The following CCDC170 variants were observed in gnomAD, a reference collection of about 807,000 sequenced individuals.
CCDC170 encodes the protein coiled-coil domain-containing protein 170.
CCDC170 carries 69 observed loss-of-function variants against 72.6 expected under a neutral mutation model. That is an observed-to-expected ratio of 0.95 (90% CI 0.78 to 1.16). CCDC170 has a LOEUF of 1.16. Ranked by LOEUF, CCDC170 falls within the 50% of genes most tolerant of loss-of-function variation. The pLI, the probability that CCDC170 is intolerant of heterozygous loss-of-function variation, is 0.00. For synonymous variants in CCDC170, 300 were observed against 303.9 expected, an observed-to-expected ratio of 0.99 and a Z score of 0.13; for missense variants, 852 against 832.5, an observed-to-expected ratio of 1.02 and a Z score of -0.29.
chr6:151,509,437 A>C (rs1470126553), intron 1 of CCDC170, among the ~76,000 whole-genome samples: 8 of 152,200 alleles, frequency 5.3e-5, no homozygotes. Flanking sequence ...AATGCTAAAA[A>C]ACTGCTAGTT....
chr6:151,599,067 G>A (rs928817363), intron 9 of CCDC170, among the ~76,000 whole-genome samples: 2 of 152,180 alleles, frequency 1.3e-5, no homozygotes, highest in Admixed American at 6.5e-5. Flanking sequence ...TGGTAAGACA[G>A]CTAATAGTTG....
At chr6:151,580,300 C>T (rs913317786) in intron 6 of CCDC170, among the ~76,000 whole-genome samples, 1 of 152,130 alleles carries the variant, frequency 6.6e-6, no homozygotes, top group Non-Finnish European at 1.5e-5. Context: ...GGTAGAAATA[C>T]TCACTTCCTG....
chr6:151,606,563 C>G (rs892066820), intron 9 of CCDC170, among the ~76,000 whole-genome samples: 1 of 152,096 alleles, frequency 6.6e-6, no homozygotes, highest in Non-Finnish European at 1.5e-5. Flanking sequence ...GGAGAATATT[C>G]CATGTGCTGA....
chr6:151,594,935 G>T (rs970567016), intron 8 of CCDC170, among the ~76,000 whole-genome samples: 2 of 152,196 alleles, frequency 1.3e-5, no homozygotes, highest in Admixed American at 6.5e-5. Flanking sequence ...ACAGGCATGA[G>T]CCACCATGCC....
chr6:151,604,709 C>A (rs1776758856), intron 9 of CCDC170, among the ~76,000 whole-genome samples: 2 of 152,160 alleles, frequency 1.3e-5, no homozygotes. Flanking sequence ...TCTGAACATT[C>A]ATCTTTGATT....
intron 1 of CCDC170, among the ~76,000 whole-genome samples, chr6:151,509,849 G>T (rs1396424312): frequency 6.6e-6 from 1 of 152,194 alleles, no homozygotes; most frequent in East Asian, 1.9e-4. Flanking sequence ...AAGAGGCCAG[G>T]CGTGGTGGCT....
At chr6:151,536,984 A>C (rs924423629) in intron 2 of CCDC170, among the ~76,000 whole-genome samples, 13 of 152,202 alleles carry the variant, frequency 8.5e-5, no homozygotes, top group South Asian at 2.1e-4. Flanking sequence ...CAGAGGAGCT[A>C]TACAGCCTTG....
chr6:151,533,343 C>T (rs534577964), intron 1 of CCDC170, among the ~76,000 whole-genome samples: 172 of 151,880 alleles, frequency 1.1e-3, no homozygotes, highest in African/African-American at 3.8e-3. Context: ...TGTGAGCCGC[C>T]GCACCTGGCC....
At chr6:151,614,356 T>A (rs2115146499) in intron 9 of CCDC170, among the ~76,000 whole-genome samples, 1 of 152,290 alleles carries the variant, frequency 6.6e-6, no homozygotes, top group Non-Finnish European at 1.5e-5. Flanking sequence ...TTCATATAAG[T>A]GGAATTATAA....
At chr6:151,513,251 T>A (rs1355644900) in intron 1 of CCDC170, among the ~76,000 whole-genome samples, 1 of 152,210 alleles carries the variant, frequency 6.6e-6, no homozygotes, top group Non-Finnish European at 1.5e-5. Flanking sequence ...AAGTTGTAGT[T>A]ACAGTATAAC....
At chr6:151,528,142 C>T (rs972257445) in intron 1 of CCDC170, among the ~76,000 whole-genome samples, 3 of 152,152 alleles carry the variant, frequency 2.0e-5, no homozygotes, top group African/African-American at 7.2e-5. Context: ...ATGTAGTTGG[C>T]TCTCTAAAAC....
intron 9 of CCDC170, among the ~76,000 whole-genome samples, chr6:151,602,540 A>T (rs1393142611): frequency 1.3e-5 from 2 of 152,056 alleles, no homozygotes; most frequent in African/African-American, 4.8e-5. Flanking sequence ...CCATGTATTG[A>T]GGGAGGGAGG....
chr6:151,529,862 G>A (rs1290755861), intron 1 of CCDC170, among the ~76,000 whole-genome samples: 2 of 152,086 alleles, frequency 1.3e-5, no homozygotes, highest in Admixed American at 1.3e-4. Context: ...TAGAGACTGG[G>A]AAGTCCAAAA....
At chr6:151,538,335 T>A (rs769810431) in intron 3 of CCDC170, 34 bp downstream of exon 3, 2 of 1,581,958 alleles carry the variant, frequency 1.3e-6, no homozygotes, top group Non-Finnish European at 1.7e-6. Context: ...TCGCTTTAGC[T>A]AGCATTAAAA....
intron 5 of CCDC170, among the ~76,000 whole-genome samples, chr6:151,561,136 A>AT (rs1445934018): frequency 6.6e-6 from 1 of 152,104 alleles, no homozygotes; most frequent in African/African-American, 2.4e-5. Context: ...ATTTTGATAC[A>AT]GCCATGCAAT....
At chr6:151,534,273 T>C (rs994142525) in intron 1 of CCDC170, among the ~76,000 whole-genome samples, 1 of 151,972 alleles carries the variant, frequency 6.6e-6, no homozygotes, top group Non-Finnish European at 1.5e-5. Context: ...CAGGCTGGTC[T>C]GGAACTCCTG....
Position 151,548,483 on chromosome 6 carries a change from G to T in CCDC170, c.768G>T (p.Leu256=). 6.3e-7 allele frequency: 1 copy of T among 1,575,314 alleles called. No homozygotes were observed. Among genetic ancestry groups the T allele is most frequent in the South Asian group, 1.2e-5 (1 of 85,060 alleles). ...CCTGTACTGAAGAGAAAGAGAAGCTGAACCAGGTATGATATGTGAAGTATA... is the reference window on the plus strand; with the variant it reads ...CCTGTACTGAAGAGAAAGAGAAGCTTAACCAGGTATGATATGTGAAGTATA... ...AASCTEEKEK[L]NQDLLSAVEA... is the part of the protein sequence containing the mutation. Residue 256 remains leucine (L), a synonymous_variant, in exon 5 of 11, where the codon CTG becomes CTT. Coordinates refer to ENST00000239374, the MANE Select transcript of CCDC170 (RefSeq NM_025059.4).
At chr6:151,531,532 A>G (rs925256583) in intron 1 of CCDC170, among the ~76,000 whole-genome samples, 2 of 152,220 alleles carry the variant, frequency 1.3e-5, no homozygotes, top group Admixed American at 6.5e-5. Flanking sequence ...TGAACCCAGG[A>G]TGTCAAGGCT....
At chr6:151,586,190 C>G in intron 7 of CCDC170, 101 bp downstream of exon 7, 5 of 1,212,686 alleles carry the variant, frequency 4.1e-6, no homozygotes, top group Non-Finnish European at 5.7e-6. Flanking sequence ...TTGGTTAAGT[C>G]CTGGACTTAA....
Sources: allele counts gnomAD v4.1 joint callset (sites outside exome capture counted in the v4.1 genomes callset), GRCh38; gene constraint gnomAD v4.1.1; transcripts MANE v1.5; gene names NCBI Gene and HGNC (gene_info 2026-07-23, HGNC 2026-07-21).